The following BAZ2B variants were observed in gnomAD, a reference collection of about 807,000 sequenced individuals.
BAZ2B encodes bromodomain adjacent to zinc finger domain 2B.
A neutral mutation model predicts 246.0 loss-of-function variants in BAZ2B; 91 were observed. The observed-to-expected ratio is 0.37, with a 90% confidence interval of 0.31 to 0.44. BAZ2B has a LOEUF of 0.44. BAZ2B is among the 20% of genes least tolerant of loss of function. The probability of loss-of-function intolerance (pLI) is 1.00; values close to 1 mark genes in which losing one functional copy is unlikely to be tolerated. For missense variants in BAZ2B, 2,332 were observed against 2,533.7 expected, an observed-to-expected ratio of 0.92 and a Z score of 1.71; for synonymous variants, 855 against 860.0, an observed-to-expected ratio of 0.99 and a Z score of 0.10.
chr2:159,619,641 G>A (rs977729136), upstream of BAZ2B, among the ~76,000 whole-genome samples: 4 of 150,940 alleles, frequency 2.7e-5, no homozygotes, highest in African/African-American at 4.9e-5. Context: ...AATTTAATCT[G>A]TATTTTTAAA....
the BAZ2B span, among the ~76,000 whole-genome samples, chr2:159,704,482 C>CTTTTTT: frequency 9.4e-5 from 11 of 117,014 alleles, no homozygotes; most frequent in Non-Finnish European, 1.2e-4. Context: ...CTTTCTTTTT[C>CTTTTTT]TTTTTTTTTT....
intron 3 of BAZ2B, among the ~76,000 whole-genome samples, chr2:159,465,922 A>G (rs1185504050): frequency 2.0e-5 from 3 of 152,136 alleles, no homozygotes; most frequent in Non-Finnish European, 2.9e-5. Context: ...TCAAAAAAAA[A>G]AAAAATTCAA....
chr2:159,529,653 T>G (rs1432642823), intron 2 of BAZ2B, among the ~76,000 whole-genome samples: 2 of 152,322 alleles, frequency 1.3e-5, no homozygotes, highest in Non-Finnish European at 1.5e-5. Context: ...ACCTTTCTCC[T>G]AAGTGTTAGT....
intron 14 of BAZ2B, among the ~76,000 whole-genome samples, chr2:159,410,492 C>T (rs1378117054): frequency 6.6e-6 from 1 of 151,976 alleles, no homozygotes; most frequent in Admixed American, 6.5e-5. Flanking sequence ...GATTCCCTTG[C>T]TCTCTCTCTC....
intron 2 of BAZ2B, among the ~76,000 whole-genome samples, chr2:159,507,713 A>C (rs373721225): frequency 4.6e-5 from 7 of 152,210 alleles, no homozygotes; most frequent in Admixed American, 3.9e-4. Flanking sequence ...CTTTAAAATA[A>C]GAAAATGAGA....
Position 159,349,882 on chromosome 2 carries a change from C to T in BAZ2B, c.4689G>A (p.Leu1563=), listed in dbSNP as rs1293881628. The change falls in exon 28 of 37, where the codon TTG becomes TTA. Residue 1563 remains leucine, a synonymous_variant. Transcript: ENST00000392783. Reference sequence around the variant, plus strand: ...AAGTGTCATCACAGGGTGTTCGTGGCAAAAGACTAAACCATTGTCTATTCT... The same window carrying T: ...AAGTGTCATCACAGGGTGTTCGTGGTAAAAGACTAAACCATTGTCTATTCT... The part of the protein sequence containing the change: ...TEKNRQWFSL[L]PRTPCDDTSL... The T allele has an allele frequency of 2.5e-6, 4 of 1,614,178 alleles. No individual in the cohort carries two copies. Among genetic ancestry groups the T allele is most frequent in the Non-Finnish European group, 3.4e-6 (4 of 1,180,010 alleles).
chr2:159,363,688 A>G (rs892178685), intron 27 of BAZ2B, among the ~76,000 whole-genome samples: 6 of 152,226 alleles, frequency 3.9e-5, no homozygotes, highest in Admixed American at 1.3e-4. Context: ...AGAAGGAATG[A>G]TAAGACAGAA....
chr2:159,711,861 T>A, the BAZ2B span: 2 of 152,294 alleles, frequency 1.3e-5, no homozygotes, highest in African/African-American at 4.8e-5. Flanking sequence ...GGCTACGCTA[T>A]TAAAGGTTAC....
At chr2:159,664,949 GCC>G in the BAZ2B span, among the ~76,000 whole-genome samples, 1 of 150,520 alleles carries the variant, frequency 6.6e-6, no homozygotes, top group Non-Finnish European at 1.5e-5. Flanking sequence ...TGAAGTCCTT[GCC>G]CCATCGTCTC....
At chr2:159,338,571 C>T (rs1190087611) in intron 31 of BAZ2B, among the ~76,000 whole-genome samples, 2 of 152,096 alleles carry the variant, frequency 1.3e-5, no homozygotes, top group African/African-American at 4.8e-5. Context: ...GCTCAAAATC[C>T]TTCAAAGATT....
chr2:159,691,414 T>C, the BAZ2B span, among the ~76,000 whole-genome samples: 4 of 152,190 alleles, frequency 2.6e-5, no homozygotes, highest in Non-Finnish European at 5.9e-5. Context: ...TTATGTTACA[T>C]ACAATACTGT....
the BAZ2B span, among the ~76,000 whole-genome samples, chr2:159,695,815 C>T: frequency 4.0e-5 from 6 of 151,864 alleles, no homozygotes; most frequent in Non-Finnish European, 5.9e-5. Context: ...AGTGCAGTGG[C>T]GTGATCTTGG....
At chr2:159,592,025 C>T (rs564230256) in intron 1 of BAZ2B, among the ~76,000 whole-genome samples, 3 of 151,922 alleles carry the variant, frequency 2.0e-5, no homozygotes, top group Admixed American at 6.6e-5. Flanking sequence ...GAGGTTGAGG[C>T]GTGAGGATCT....
chr2:159,448,393 T>G lies in BAZ2B; in HGVS notation c.351A>C (p.Arg117=). Residue 117 remains arginine (R), a synonymous_variant, in exon 5 of 37, where the codon CGA becomes CGC. Transcript: ENST00000392783. The part of the protein sequence containing the change: ...LASFPGAEWW[R]TTDAHTRTGA... ...CTGTACGAGTATGAGCATCAGTTGT[T>G]CGCCACCATTCTGCACCTCAAAACC... 6.3e-7 allele frequency: 1 copy of G among 1,587,350 alleles called. No homozygotes were observed.
At chr2:159,389,288 A>T in intron 21 of BAZ2B, 57 bp downstream of exon 21, 2 of 1,481,048 alleles carry the variant, frequency 1.4e-6, no homozygotes, top group Non-Finnish European at 1.8e-6. Context: ...AAATCAGGTA[A>T]GAAAACTGGA....
At chr2:159,328,402 G>T (rs1458609332) in intron 34 of BAZ2B, among the ~76,000 whole-genome samples, 1 of 152,130 alleles carries the variant, frequency 6.6e-6, no homozygotes, top group African/African-American at 2.4e-5. Context: ...TCACAAACTG[G>T]TGGCTCACCG....
At chr2:159,710,020 A>G in the BAZ2B span, among the ~76,000 whole-genome samples, 2 of 152,176 alleles carry the variant, frequency 1.3e-5, no homozygotes, top group African/African-American at 4.8e-5. Context: ...AAGGATAAAA[A>G]GTAGCAAGGG....
chr2:159,700,539 G>C, the BAZ2B span, among the ~76,000 whole-genome samples: 1 of 152,122 alleles, frequency 6.6e-6, no homozygotes, highest in Non-Finnish European at 1.5e-5. Flanking sequence ...TCCGCCTCCC[G>C]GGTTCCAGTG....
intron 22 of BAZ2B, 118 bp from the exon 23 acceptor site, chr2:159,385,487 C>CTTT (rs5835743): frequency 0.053 from 32,516 of 613,304 alleles, 3 homozygotes; most frequent in Non-Finnish European, 0.064. Context: ...GCTTTATTCA[C>CTTT]TTTTTTTTTA....
Sources: gnomAD v4.1 joint callset for allele counts (sites outside exome capture counted in the v4.1 genomes callset) on GRCh38, gnomAD v4.1.1 for gene constraint, MANE v1.5 for transcripts, NCBI Gene and HGNC (gene_info 2026-07-23, HGNC 2026-07-21) for gene names.